The following AGPS variants were observed in gnomAD, a reference collection of about 807,000 sequenced individuals.
AGPS encodes alkylglycerone phosphate synthase.
In AGPS, 26 loss-of-function variants were observed where a neutral mutation model predicts 90.7. The ratio of observed to expected loss-of-function variants is 0.29; its 90% confidence interval spans 0.21 to 0.40. AGPS has a LOEUF of 0.40. Among genes scored for constraint, AGPS ranks in the 10% least tolerant of loss-of-function variants. The pLI, the probability that AGPS is intolerant of heterozygous loss-of-function variation, is 1.00. For missense variants in AGPS, 540 were observed against 816.1 expected (o/e 0.66, Z 4.12); for synonymous variants, 294 against 285.3 (o/e 1.03, Z -0.31).
intron 17 of AGPS, among the ~76,000 whole-genome samples, chr2:177,515,950 TG>T (rs11334084): frequency 0.86 from 131,259 of 152,108 alleles, 56,837 homozygotes; most frequent in East Asian, 0.95. Flanking sequence ...TGCTTAGTAG[TG>T]GCTAAGGAGA....
chr2:177,515,037 G>A (rs1688982830), intron 17 of AGPS, among the ~76,000 whole-genome samples: 1 of 149,810 alleles, frequency 6.7e-6, no homozygotes, highest in Non-Finnish European at 1.5e-5. Flanking sequence ...TATTTGCTGG[G>A]CATTCGAGAT....
intron 1 of AGPS, among the ~76,000 whole-genome samples, chr2:177,409,963 T>C (rs1685572616): frequency 6.6e-6 from 1 of 152,236 alleles, no homozygotes; most frequent in African/African-American, 2.4e-5. Context: ...CAGTAAATAA[T>C]GATTTAGCCA....
chr2:177,442,321 T>A lies in AGPS; in HGVS notation c.710-86T>A, dbSNP rs544232881. 6.5e-4 allele frequency: 676 copies of A among 1,035,332 alleles called. 6 individuals are homozygous for A. The African/African-American group carries it at 9.6e-3, about 15-fold the overall frequency. The allele number at this position is 1,035,332 out of a possible 1,614,324, so 64.1% of individuals were successfully genotyped here. On this transcript the variant is annotated intron_variant, in intron 6 of 19. Coordinates refer to ENST00000264167, the MANE Select transcript of AGPS (RefSeq NM_003659.4). ...ATCACTTTTCTAGTGGCCCTATCTG[T>A]ATACTTGATATGAGGGATTTGCCAT...
chr2:177,526,991 C>T (rs2079093949), intron 19 of AGPS, among the ~76,000 whole-genome samples: 1 of 152,114 alleles, frequency 6.6e-6, no homozygotes, highest in East Asian at 1.9e-4. Context: ...ATTGTTAGTG[C>T]CAGAATTTGA....
intron 17 of AGPS, among the ~76,000 whole-genome samples, chr2:177,519,064 G>A (rs1462680874): frequency 1.3e-5 from 2 of 152,158 alleles, no homozygotes; most frequent in African/African-American, 2.4e-5. Context: ...AGCAGTGATA[G>A]CCGTTGCTCC....
chr2:177,452,807 A>G (rs1284115444), intron 8 of AGPS, among the ~76,000 whole-genome samples: 17 of 149,850 alleles, frequency 1.1e-4, no homozygotes, highest in Non-Finnish European at 1.3e-4. Flanking sequence ...TTATCTCTTT[A>G]GTTTCTTTAG....
intron 2 of AGPS, among the ~76,000 whole-genome samples, chr2:177,430,729 C>T (rs1466568518): frequency 6.6e-6 from 1 of 152,108 alleles, no homozygotes; most frequent in African/African-American, 2.4e-5. Context: ...GTTGAAGGTG[C>T]TGAATTCAGT....
intron 2 of AGPS, among the ~76,000 whole-genome samples, chr2:177,432,057 A>G (rs1373670301): frequency 6.6e-6 from 1 of 152,142 alleles, no homozygotes; most frequent in Non-Finnish European, 1.5e-5. Context: ...ACATATACTA[A>G]TATTTTTGCT....
chr2:177,396,306 G>A (rs767146109), intron 1 of AGPS, among the ~76,000 whole-genome samples: 1 of 152,090 alleles, frequency 6.6e-6, no homozygotes, highest in Admixed American at 6.5e-5. Flanking sequence ...TGGCTTGTGG[G>A]TTATCAGTCC....
At chr2:177,410,382 G>A (rs1050404593) in intron 1 of AGPS, among the ~76,000 whole-genome samples, 21 of 152,124 alleles carry the variant, frequency 1.4e-4, no homozygotes, top group Admixed American at 7.2e-4. Flanking sequence ...GTGTTCCCTC[G>A]GAAGTTAGGA....
intron 19 of AGPS, 56 bp downstream of exon 19, chr2:177,523,861 T>C: frequency 7.1e-7 from 1 of 1,406,686 alleles, no homozygotes. Flanking sequence ...AATATTCAGT[T>C]CAGTAAAATG....
At chr2:177,458,770 A>G (rs1469567112) in intron 8 of AGPS, among the ~76,000 whole-genome samples, 2 of 152,218 alleles carry the variant, frequency 1.3e-5, no homozygotes, top group East Asian at 1.9e-4. Flanking sequence ...TGTAGATGCA[A>G]TGCTATTCCC....
At chr2:177,481,067 A>G (rs1194819355) in intron 10 of AGPS, among the ~76,000 whole-genome samples, 3 of 152,068 alleles carry the variant, frequency 2.0e-5, no homozygotes, top group Admixed American at 2.0e-4. Flanking sequence ...ATCCTGTGTT[A>G]TATATTGACA....
chr2:177,490,499 A>T (rs1247051343), intron 11 of AGPS, among the ~76,000 whole-genome samples: 1 of 152,166 alleles, frequency 6.6e-6, no homozygotes, highest in Admixed American at 6.5e-5. Flanking sequence ...AAAATTCTTT[A>T]GCTTATTAGT....
At chr2:177,506,141 T>G (rs1688703489) in intron 15 of AGPS, among the ~76,000 whole-genome samples, 1 of 151,880 alleles carries the variant, frequency 6.6e-6, no homozygotes, top group Non-Finnish European at 1.5e-5. Context: ...TGAAATTTTA[T>G]TTTTTCAATT....
intron 2 of AGPS, among the ~76,000 whole-genome samples, chr2:177,429,780 A>G (rs562272867): frequency 1.3e-5 from 2 of 152,282 alleles, no homozygotes; most frequent in East Asian, 3.9e-4. Flanking sequence ...GAGCTCTGAC[A>G]CAGTCAGGAG....
rs752967867 is a variant in AGPS, at chr2:177,521,385, G to A, written c.1797+17G>A. Reference sequence around the variant, plus strand: ...CAAACTGAGGTAATTTTGCATACCTGCATATAGCTTTTACAGCTGTTGATT... The same window carrying A: ...CAAACTGAGGTAATTTTGCATACCTACATATAGCTTTTACAGCTGTTGATT... On this transcript the variant is annotated intron_variant, in intron 18 of 19. Transcript: ENST00000264167. 22 of 1,563,204 alleles carry A rather than the reference G, an allele frequency of 1.4e-5. No homozygotes were observed. The highest frequency in any genetic ancestry group is 3.4e-4 in the Middle Eastern group (2 of 5,950).
Position 177,505,563 on chromosome 2 carries a change from T to G in AGPS, c.1533T>G (p.Ile511Met). 1 of 1,611,816 alleles carries G rather than the reference T, an allele frequency of 6.2e-7. No individual in the cohort carries two copies. ...GAGGTTATTTGCTGACCTATGTTATTGCATACATTCGAGTAAGTTATATCA... is the reference window on the plus strand; with the variant it reads ...GAGGTTATTTGCTGACCTATGTTATGGCATACATTCGAGTAAGTTATATCA... ...GQRGYLLTYV[I>M]AYIRDLALEY... Residue 511 changes from isoleucine to methionine, a missense_variant, in exon 15 of 20, where the codon ATT becomes ATG. Ile to Met is a conservative substitution (Grantham distance 10). Transcript: ENST00000264167.
At chr2:177,527,911 A>G in intron 19 of AGPS, among the ~76,000 whole-genome samples, 1 of 152,222 alleles carries the variant, frequency 6.6e-6, no homozygotes, top group East Asian at 1.9e-4. Flanking sequence ...ATATGACCGC[A>G]TGGAAACAGA....
Sources: gnomAD v4.1 joint callset for allele counts (sites outside exome capture counted in the v4.1 genomes callset) on GRCh38, gnomAD v4.1.1 for gene constraint, MANE v1.5 for transcripts, NCBI Gene and HGNC (gene_info 2026-07-23, HGNC 2026-07-21) for gene names.